Variants in RORB observed in about 807,000 individuals in gnomAD.
RORB encodes the protein RAR related orphan receptor B, also known as nuclear receptor ROR-beta.
RORB carries 6 observed loss-of-function variants against 59.1 expected under a neutral mutation model. The observed-to-expected ratio is 0.10, with a 90% CI of 0.06 to 0.20. The LOEUF (loss-of-function observed/expected upper bound fraction) is 0.20. Among genes scored for constraint, RORB ranks in the 10% least tolerant of loss-of-function variants. The pLI, the probability that RORB is intolerant of heterozygous loss-of-function variation, is 1.00. For synonymous variants in RORB, 215 were observed against 204.5 expected, an observed-to-expected ratio of 1.05 and a Z score of -0.44; for missense variants, 320 against 560.5, an observed-to-expected ratio of 0.57 and a Z score of 4.33.
intron 1 of RORB, among the ~76,000 whole-genome samples, chr9:74,548,925 A>C (rs1563934185): frequency 1.3e-5 from 2 of 152,242 alleles, no homozygotes; most frequent in East Asian, 3.9e-4. Context: ...GTGTTTAATA[A>C]TTGCATCATT....
At chr9:74,622,076 C>T (rs1272835031) in intron 1 of RORB, among the ~76,000 whole-genome samples, 1 of 151,584 alleles carries the variant, frequency 6.6e-6, no homozygotes, top group Non-Finnish European at 1.5e-5. Flanking sequence ...ATATTTTGCT[C>T]TTTTTGAATT....
At chr9:74,529,139 C>A (rs1245343915) in intron 1 of RORB, among the ~76,000 whole-genome samples, 1 of 151,886 alleles carries the variant, frequency 6.6e-6, no homozygotes, top group Non-Finnish European at 1.5e-5. Context: ...CCTGCTATTA[C>A]AGAATTTCCA....
intron 1 of RORB, among the ~76,000 whole-genome samples, chr9:74,534,807 C>T (rs1826297083): frequency 2.0e-5 from 3 of 152,034 alleles, no homozygotes; most frequent in Admixed American, 2.0e-4. Context: ...AGCTACTGTA[C>T]CCCAAAGTGG....
chr9:74,534,320 T>A (rs1826290292), intron 1 of RORB, among the ~76,000 whole-genome samples: 1 of 151,942 alleles, frequency 6.6e-6, no homozygotes, highest in African/African-American at 2.4e-5. Context: ...ATTTCTTTGA[T>A]CTTATTTCCC....
In RORB at chr9:74,692,388, T is replaced by A. The variant is rs1264849999; in HGVS notation, c.*6770T>A. 2 of 152,234 alleles carry A rather than the reference T, an allele frequency of 1.3e-5. No homozygotes were observed. Among genetic ancestry groups the A allele is most frequent in the Non-Finnish European group, 2.9e-5 (2 of 68,032 alleles). The allele number at this position is 152,234 out of a possible 1,614,324, so 9.4% of individuals were successfully genotyped here. A position where few individuals can be genotyped will look rare whatever the true frequency, so the allele number is the denominator to read the frequency against. On this transcript the variant is annotated 3_prime_UTR_variant, in exon 10 of 10. Coordinates refer to ENST00000376896, the MANE Select transcript of RORB (RefSeq NM_006914.4). ...TATTTTTGAAATCCCTAACAATGCT[T>A]CCTTGCTTTTAGGATTGAGAGAAAT... is the stretch of plus-strand genomic sequence containing the variant.
At chr9:74,585,395 A>G (rs150075688) in intron 1 of RORB, among the ~76,000 whole-genome samples, 3 of 152,382 alleles carry the variant, frequency 2.0e-5, no homozygotes, top group African/African-American at 7.2e-5. Context: ...TGAGTAACAT[A>G]TTCTATATAA....
intron 4 of RORB, 68 bp downstream of exon 4, chr9:74,642,883 A>C: frequency 8.1e-7 from 1 of 1,230,764 alleles, no homozygotes. Flanking sequence ...GGTCCTATTT[A>C]GTATGGTAAT....
intron 8 of RORB, among the ~76,000 whole-genome samples, chr9:74,669,795 T>C (rs1824320964): frequency 6.6e-6 from 1 of 152,202 alleles, no homozygotes; most frequent in African/African-American, 2.4e-5. Flanking sequence ...TCAATGAAAC[T>C]GGAAGAAATT....
intron 1 of RORB, among the ~76,000 whole-genome samples, chr9:74,570,356 A>G (rs560911897): frequency 6.6e-6 from 1 of 152,210 alleles, no homozygotes; most frequent in South Asian, 2.1e-4. Flanking sequence ...GCACCCATAA[A>G]AAAAGCCTCC....
At chr9:74,529,795 A>T (rs1826208688) in intron 1 of RORB, among the ~76,000 whole-genome samples, 1 of 151,924 alleles carries the variant, frequency 6.6e-6, no homozygotes, top group Non-Finnish European at 1.5e-5. Context: ...TAAATTATAG[A>T]TTTTTAAAAT....
intron 1 of RORB, among the ~76,000 whole-genome samples, chr9:74,554,262 T>A (rs565175580): frequency 1.3e-4 from 20 of 152,272 alleles, no homozygotes; most frequent in Non-Finnish European, 2.9e-4. Context: ...GCCTCCTGAC[T>A]CCTAGTGCCA....
chr9:74,520,753 C>G (rs1386871371), intron 1 of RORB, among the ~76,000 whole-genome samples: 2 of 151,406 alleles, frequency 1.3e-5, no homozygotes, highest in Admixed American at 1.3e-4. Flanking sequence ...TTTTTCTGCA[C>G]ATTGTGAACC....
intron 1 of RORB, among the ~76,000 whole-genome samples, chr9:74,623,273 C>A (rs1351746433): frequency 6.6e-6 from 1 of 152,146 alleles, no homozygotes; most frequent in African/African-American, 2.4e-5. Context: ...GGTGCCATTA[C>A]CAAACATTGC....
rs548587908 is a variant in RORB at position 74,664,256 on chromosome 9, T to C, written c.893-1232T>C. ...TGACAGTTCAGAGACATGGGCACCATGAGTCCCATGGAATCCAAATCTCCT... is the reference window on the plus strand; with the variant it reads ...TGACAGTTCAGAGACATGGGCACCACGAGTCCCATGGAATCCAAATCTCCT... On this transcript the variant is annotated intron_variant, in intron 6 of 9. Coordinates refer to ENST00000376896, the MANE Select transcript of RORB (RefSeq NM_006914.4). Among the ~76,000 whole-genome samples the C allele has an allele frequency of 7.2e-4, 109 of 152,312 alleles. 2 individuals carry two copies. The South Asian group carries it at 9.7e-3, about 14-fold the overall frequency.
At chr9:74,498,823 T>TGGCGGC (rs1055398773) in intron 1 of RORB, 10 of 161,368 alleles carry the variant, frequency 6.2e-5, no homozygotes, top group African/African-American at 1.5e-4. Flanking sequence ...TCGCAGGCGG[T>TGGCGGC]GGCGGCGGCG....
At chr9:74,542,713 C>T (rs768515477) in intron 1 of RORB, among the ~76,000 whole-genome samples, 21 of 152,188 alleles carry the variant, frequency 1.4e-4, no homozygotes, top group Non-Finnish European at 2.8e-4. Context: ...GCTAACTCTA[C>T]TCAAGATGCT....
chr9:74,657,132 G>A (rs773045990), intron 4 of RORB, among the ~76,000 whole-genome samples: 2 of 152,162 alleles, frequency 1.3e-5, no homozygotes, highest in Non-Finnish European at 2.9e-5. Context: ...TGCAACTTCC[G>A]ACTCCCTGCT....
chr9:74,529,575 T>C (rs1165932044), intron 1 of RORB, among the ~76,000 whole-genome samples: 4 of 151,640 alleles, frequency 2.6e-5, no homozygotes, highest in Non-Finnish European at 5.9e-5. Flanking sequence ...TAAAATATAC[T>C]ATTAATAAAT....
At chr9:74,680,566 G>A (rs1824531063) in intron 9 of RORB, among the ~76,000 whole-genome samples, 1 of 152,210 alleles carries the variant, frequency 6.6e-6, no homozygotes, top group South Asian at 2.1e-4. Flanking sequence ...GCTAAGGATG[G>A]GGTCAGGATT....
Sources: gnomAD v4.1 joint callset for allele counts (sites outside exome capture counted in the v4.1 genomes callset) on GRCh38, gnomAD v4.1.1 for gene constraint, MANE v1.5 for transcripts, NCBI Gene and HGNC (gene_info 2026-07-23, HGNC 2026-07-21) for gene names.